Variants in TTL observed in about 807,000 individuals in gnomAD.
TTL encodes the protein tubulin tyrosine ligase, also known as tubulin--tyrosine ligase.
In TTL, 10 loss-of-function variants were observed where a neutral mutation model predicts 41.1. The ratio of observed to expected loss-of-function variants is 0.24; its 90% CI spans 0.15 to 0.41. TTL has a LOEUF of 0.41. Ranked by LOEUF, TTL falls within the 10% of genes least tolerant of loss-of-function variation. The pLI is 1.00. For missense variants in TTL, 367 were observed against 460.4 expected (o/e 0.80, Z 1.86); for synonymous variants, 175 against 175.5 (o/e 1.00, Z 0.02).
intron 3 of TTL, among the ~76,000 whole-genome samples, chr2:112,499,436 G>A (rs1313848544): frequency 1.3e-5 from 2 of 152,102 alleles, no homozygotes; most frequent in African/African-American, 2.4e-5. Context: ...TCAACAAATT[G>A]TACTAGATAA....
At chr2:112,484,000 A>G (rs1333879817) in intron 1 of TTL, 1 of 152,144 alleles carries the variant, frequency 6.6e-6, no homozygotes, top group Admixed American at 6.6e-5. Flanking sequence ...CCCCTTCCAG[A>G]CTTCCTGACT....
At chr2:112,501,183 G>A (rs777590105) in intron 3 of TTL, 23 bp from the exon 4 acceptor site, 2 of 1,598,938 alleles carry the variant, frequency 1.3e-6, no homozygotes, top group Admixed American at 3.6e-5. Context: ...GGATTGGTTT[G>A]TCTTTTGCTT....
Position 112,539,563 on chromosome 2 carries a change from C to G in TTL, c.*10768C>G, listed in dbSNP as rs1342697851. The G allele has an allele frequency of 6.6e-6, 1 of 150,736 alleles. No individual in the cohort carries two copies. Among genetic ancestry groups the G allele is most frequent in the Non-Finnish European group, 1.5e-5 (1 of 67,426 alleles). 9.3% of individuals were successfully genotyped at this position (150,736 alleles called of 1,614,324 possible). A position where few individuals can be genotyped will look rare whatever the true frequency, so the allele number is the denominator to read the frequency against. On this transcript the variant is annotated 3_prime_UTR_variant, in exon 7 of 7. Transcript: ENST00000233336. Reference sequence around the variant, plus strand: ...CTTTGGAAAAACCCACAGCCTACATCATATTAATGGTGATGTGAAAGCTCC... The same window carrying G: ...CTTTGGAAAAACCCACAGCCTACATGATATTAATGGTGATGTGAAAGCTCC...
intron 5 of TTL, among the ~76,000 whole-genome samples, chr2:112,519,987 G>A (rs955697557): frequency 6.6e-6 from 1 of 151,946 alleles, no homozygotes; most frequent in Non-Finnish European, 1.5e-5. Flanking sequence ...AAAATTAGCT[G>A]GGTGCGGTGG....
chr2:112,518,577 C>T (rs906957170), intron 5 of TTL, among the ~76,000 whole-genome samples: 1 of 151,986 alleles, frequency 6.6e-6, no homozygotes, highest in Admixed American at 6.6e-5. Context: ...ACAAAGGCCT[C>T]AGTTCTTTAT....
intron 3 of TTL, among the ~76,000 whole-genome samples, chr2:112,494,582 C>G (rs967222002): frequency 6.6e-6 from 1 of 152,056 alleles, no homozygotes; most frequent in African/African-American, 2.4e-5. Context: ...CCATTGACAC[C>G]CTCACCATCT....
chr2:112,515,802 C>A (rs1405681014), intron 5 of TTL, among the ~76,000 whole-genome samples: 2 of 152,030 alleles, frequency 1.3e-5, no homozygotes, highest in African/African-American at 4.8e-5. Context: ...CAAAAATTAG[C>A]CAGGCGTGGT....
chr2:112,485,802 A>G lies in TTL; in HGVS notation c.158-115A>G, dbSNP rs1681224596. 6 of 979,690 alleles carry G rather than the reference A, an allele frequency of 6.1e-6. No individual in the cohort carries two copies. The Admixed American group carries it at 9.6e-5, about 16-fold the overall frequency. 60.7% of individuals were successfully genotyped at this position (979,690 alleles called of 1,614,324 possible). On this transcript the variant is annotated intron_variant, in intron 1 of 6. Coordinates refer to ENST00000233336, the MANE Select transcript of TTL (RefSeq NM_153712.5). ...GAGAAACAAAATTGTTCCATTTTCC[A>G]TTTTCTAACAGCCAATCCTGAGATG... is the stretch of plus-strand genomic sequence containing the variant.
intron 6 of TTL, 115 bp downstream of exon 6, chr2:112,520,540 T>TGCCA: frequency 7.1e-7 from 1 of 1,411,958 alleles, no homozygotes; most frequent in African/African-American, 1.4e-5. Context: ...GCCACAGTGA[T>TGCCA]AGGAGACCCT....
At chr2:112,523,176 C>G (rs555317005) in intron 6 of TTL, among the ~76,000 whole-genome samples, 41 of 152,304 alleles carry the variant, frequency 2.7e-4, no homozygotes, top group African/African-American at 9.4e-4. Flanking sequence ...TTACCACCAC[C>G]ACCACCAGCC....
chr2:112,492,886 G>A (rs567809817), intron 2 of TTL, among the ~76,000 whole-genome samples: 5 of 152,012 alleles, frequency 3.3e-5, no homozygotes, highest in South Asian at 2.1e-4. Flanking sequence ...CTGAGACCCC[G>A]TCTCAAATAA....
chr2:112,520,247 C>A (rs1309804107), intron 5 of TTL, 35 bp from the exon 6 acceptor site: 1 of 1,610,462 alleles, frequency 6.2e-7, no homozygotes, highest in Non-Finnish European at 8.5e-7. Context: ...TTTGACCACC[C>A]CGTTCTAATG....
Position 112,528,749 on chromosome 2 carries a change from A to T in TTL, c.1088A>T (p.Asp363Val). The T allele has an allele frequency of 6.2e-7, 1 of 1,614,110 alleles. No homozygotes were observed. The highest frequency in any genetic ancestry group is 8.5e-7 in the Non-Finnish European group (1 of 1,180,012). The change falls in exon 7 of 7, where the codon GAT becomes GTT. Residue 363 changes from aspartate to valine, a missense_variant. Asp to Val is a radical substitution (Grantham distance 152, BLOSUM62 -3). Transcript: ENST00000233336. ...ATTTCCAGTGTCTTCCCACCCCCAG[A>T]TGTGGAGCAACCTCAGACCCAGCCA... ...IAISSVFPPP[D>V]VEQPQTQPAA... is the part of the protein sequence containing the mutation.
At chr2:112,519,709 C>T (rs193205049) in intron 5 of TTL, among the ~76,000 whole-genome samples, 20 of 152,234 alleles carry the variant, frequency 1.3e-4, no homozygotes, top group African/African-American at 2.2e-4. Context: ...CACAATGACT[C>T]GGCACTCTAC....
rs1369756689 is a variant in TTL, at chr2:112,528,784, A to T, written c.1123A>T (p.Ile375Phe). ...ACCTCAGACCCAGCCAGCTGCCTTC[A>T]TCAAGCTGTGACAGAGGGCACTCCC... ...EQPQTQPAAF[I>F]KL Residue 375 changes from isoleucine (I) to phenylalanine (F), a missense_variant, in exon 7 of 7, where the codon ATC becomes TTC. Transcript: ENST00000233336. 2 of 1,613,884 alleles carry T rather than the reference A, an allele frequency of 1.2e-6. No homozygotes were observed. The highest frequency in any genetic ancestry group is 2.7e-5 in the African/African-American group (2 of 74,904).
intron 3 of TTL, among the ~76,000 whole-genome samples, chr2:112,495,920 T>C (rs1347618545): frequency 6.6e-6 from 1 of 152,240 alleles, no homozygotes; most frequent in Non-Finnish European, 1.5e-5. Flanking sequence ...GGTACTCATT[T>C]CTGTTCCGGG....
chr2:112,539,056 G>T lies in TTL; in HGVS notation c.*10261G>T, dbSNP rs1232521831. On this transcript the variant is annotated 3_prime_UTR_variant, in exon 7 of 7. Transcript: ENST00000233336. ...CACTTGAACCTGGAAGGCGGAGGTT[G>T]CAGTGAGCCGAGATTGCGCCACTGC... The T allele has an allele frequency of 6.7e-6, 1 of 149,318 alleles. No individual in the cohort carries two copies. The highest frequency in any genetic ancestry group is 2.5e-5 in the African/African-American group (1 of 40,282). The allele number at this position is 149,318 out of a possible 1,614,324, so 9.2% of individuals were successfully genotyped here. A position where few individuals can be genotyped will look rare whatever the true frequency, so the allele number is the denominator to read the frequency against.
In TTL at chr2:112,541,383, C is replaced by G. The variant is rs943745625; in HGVS notation, c.*12588C>G. The G allele has an allele frequency of 5.9e-5, 9 of 152,198 alleles. No individual in the cohort carries two copies. The East Asian group carries it at 1.7e-3, about 29-fold the overall frequency. 9.4% of individuals were successfully genotyped at this position (152,198 alleles called of 1,614,324 possible). On this transcript the variant is annotated 3_prime_UTR_variant, in exon 7 of 7. Coordinates refer to ENST00000233336, the MANE Select transcript of TTL (RefSeq NM_153712.5). ...TCAGTTGGCCGGGCGCGCGCGGTGGCTCATGCCTGTAATCCCAGCATTTAG... is the reference window on the plus strand; with the variant it reads ...TCAGTTGGCCGGGCGCGCGCGGTGGGTCATGCCTGTAATCCCAGCATTTAG...
chr2:112,491,335 A>T (rs1681379660), intron 2 of TTL, among the ~76,000 whole-genome samples: 1 of 152,180 alleles, frequency 6.6e-6, no homozygotes, highest in Non-Finnish European at 1.5e-5. Flanking sequence ...ATTTTATCAT[A>T]CATTTGGAAA....
Sources: gnomAD v4.1 joint callset for allele counts (sites outside exome capture counted in the v4.1 genomes callset) on GRCh38, gnomAD v4.1.1 for gene constraint, MANE v1.5 for transcripts, NCBI Gene and HGNC (gene_info 2026-07-23, HGNC 2026-07-21) for gene names.